LDB2: variants seen among roughly 807,000 people sequenced by gnomAD.
The protein encoded by LDB2 is LIM domain-binding protein 2.
LDB2 carries 12 observed loss-of-function variants against 44.3 expected under a neutral mutation model. The ratio of observed to expected loss-of-function variants is 0.27; its 90% CI spans 0.17 to 0.44. The LOEUF is 0.44. Ranked by LOEUF, LDB2 falls within the 20% of genes least tolerant of loss-of-function variation. The pLI, the probability that LDB2 is intolerant of heterozygous loss-of-function variation, is 1.00. For missense variants in LDB2, 344 were observed against 473.5 expected (o/e 0.73, Z 2.54); for synonymous variants, 164 against 174.8 (o/e 0.94, Z 0.49).
At chr4:16,869,029 T>C (rs1715643994) in intron 1 of LDB2, among the ~76,000 whole-genome samples, 1 of 152,138 alleles carries the variant, frequency 6.6e-6, no homozygotes. Flanking sequence ...ATGTTGATGA[T>C]GATGAATGGT....
intron 2 of LDB2, among the ~76,000 whole-genome samples, chr4:16,669,451 A>C (rs567385082): frequency 6.6e-6 from 1 of 152,300 alleles, no homozygotes; most frequent in Non-Finnish European, 1.5e-5. Flanking sequence ...CTCATTTTTA[A>C]TCAAGTTCTT....
chr4:16,755,833 G>A (rs976772932), intron 2 of LDB2, among the ~76,000 whole-genome samples: 2 of 152,098 alleles, frequency 1.3e-5, no homozygotes, highest in Non-Finnish European at 2.9e-5. Flanking sequence ...TGTCCAGGGC[G>A]GGGGCAGGCA....
At chr4:16,506,209 G>A (rs1300081357) in intron 7 of LDB2, 3 of 453,028 alleles carry the variant, frequency 6.6e-6, no homozygotes, top group South Asian at 1.0e-4. Flanking sequence ...GTCATCCAAC[G>A]CTTATCATTT....
At chr4:16,683,271 C>T (rs892198457) in intron 2 of LDB2, among the ~76,000 whole-genome samples, 9 of 152,210 alleles carry the variant, frequency 5.9e-5, no homozygotes, top group African/African-American at 1.9e-4. Context: ...GGCGTACTTC[C>T]TGCCTTAATA....
intron 2 of LDB2, among the ~76,000 whole-genome samples, chr4:16,677,774 C>T (rs1044346726): frequency 6.6e-6 from 1 of 152,182 alleles, no homozygotes; most frequent in South Asian, 2.1e-4. Context: ...TGGAGATAAA[C>T]TGAAACTGTT....
intron 1 of LDB2, among the ~76,000 whole-genome samples, chr4:16,799,254 G>A (rs1331086109): frequency 6.6e-6 from 1 of 152,206 alleles, no homozygotes; most frequent in Non-Finnish European, 1.5e-5. Flanking sequence ...AAAGTCTGGA[G>A]GATCTAGAAA....
intron 1 of LDB2, among the ~76,000 whole-genome samples, chr4:16,820,708 C>T (rs1781789274): frequency 6.6e-6 from 1 of 152,022 alleles, no homozygotes; most frequent in African/African-American, 2.4e-5. Flanking sequence ...AGAGCTTGTT[C>T]TTCATGCTTT....
intron 1 of LDB2, among the ~76,000 whole-genome samples, chr4:16,821,745 G>GAAAAAAAAAA (rs1782072538): frequency 1.7e-4 from 2 of 11,452 alleles, no homozygotes; most frequent in Admixed American, 8.6e-4. Flanking sequence ...CAACATTAAA[G>GAAAAAAAAAA]CAAAAAAAAA....
At chr4:16,866,524 T>C (rs1714755212) in intron 1 of LDB2, among the ~76,000 whole-genome samples, 2 of 152,106 alleles carry the variant, frequency 1.3e-5, no homozygotes, top group African/African-American at 4.8e-5. Context: ...GATGAAGAAA[T>C]TGAGCCTCAA....
At chr4:16,898,220 CTG>C in intron 1 of LDB2, 132 bp downstream of exon 1, 1 of 827,660 alleles carries the variant, frequency 1.2e-6, no homozygotes, top group East Asian at 2.7e-5. Flanking sequence ...TGGATTCATC[CTG>C]GCGCTCATTT....
At chr4:16,687,804 C>A (rs141068174) in intron 2 of LDB2, among the ~76,000 whole-genome samples, 1 of 152,228 alleles carries the variant, frequency 6.6e-6, no homozygotes, top group African/African-American at 2.4e-5. Context: ...ATTCTAGGAA[C>A]TGTCTTGTAA....
chr4:16,695,099 A>C (rs1298330532), intron 2 of LDB2, among the ~76,000 whole-genome samples: 2 of 152,188 alleles, frequency 1.3e-5, no homozygotes, highest in Admixed American at 6.5e-5. Flanking sequence ...CTTGAGATCC[A>C]AGGAACCTCA....
At chr4:16,634,739 C>T (rs1441676084) in intron 2 of LDB2, among the ~76,000 whole-genome samples, 1 of 152,152 alleles carries the variant, frequency 6.6e-6, no homozygotes, top group Non-Finnish European at 1.5e-5. Context: ...GTGGCAATTC[C>T]TCAGGGATCT....
At chr4:16,503,096 G>A (rs1419545492) in intron 7 of LDB2, 2 of 1,536,814 alleles carry the variant, frequency 1.3e-6, no homozygotes, top group Non-Finnish European at 1.7e-6. Context: ...TCCTTAGTGC[G>A]CAGCCTGACA....
intron 1 of LDB2, among the ~76,000 whole-genome samples, chr4:16,805,528 A>T (rs1778616393): frequency 6.6e-6 from 1 of 152,168 alleles, no homozygotes; most frequent in Non-Finnish European, 1.5e-5. Flanking sequence ...GCACAGGCTC[A>T]TGGTCCACTT....
intron 5 of LDB2, among the ~76,000 whole-genome samples, chr4:16,538,955 G>C (rs971788486): frequency 7.2e-5 from 11 of 152,120 alleles, no homozygotes; most frequent in African/African-American, 2.4e-4. Flanking sequence ...GTTTGATTTG[G>C]GTTTGGAATT....
chr4:16,758,598 CAG>C (rs1456033714), intron 2 of LDB2, among the ~76,000 whole-genome samples: 2 of 152,150 alleles, frequency 1.3e-5, no homozygotes, highest in African/African-American at 4.8e-5. Flanking sequence ...AGGATCTTTA[CAG>C]AGTTATCACT....
At chr4:16,553,300 A>C (rs1249425714) in intron 5 of LDB2, among the ~76,000 whole-genome samples, 3 of 152,046 alleles carry the variant, frequency 2.0e-5, no homozygotes, top group Non-Finnish European at 4.4e-5. Flanking sequence ...CTACAGGTAC[A>C]TGCCACCATG....
intron 2 of LDB2, among the ~76,000 whole-genome samples, chr4:16,708,197 C>A (rs1461628772): frequency 6.6e-6 from 1 of 152,042 alleles, no homozygotes; most frequent in African/African-American, 2.4e-5. Flanking sequence ...ATGGTCAGCC[C>A]AGCAGGGTGT....
Sources: allele counts gnomAD v4.1 joint callset (sites outside exome capture counted in the v4.1 genomes callset), GRCh38; gene constraint gnomAD v4.1.1; transcripts MANE v1.5; gene names NCBI Gene and HGNC (gene_info 2026-07-23, HGNC 2026-07-21).